Variants in POLD3 observed in about 807,000 individuals in gnomAD.
POLD3 encodes the protein DNA polymerase delta 3, accessory subunit, also known as DNA polymerase delta subunit 3.
A neutral mutation model predicts 58.2 loss-of-function variants in POLD3; 19 were observed. The observed-to-expected ratio is 0.33, with a 90% confidence interval of 0.23 to 0.48. POLD3 has a LOEUF of 0.48. Ranked by LOEUF, POLD3 falls within the 20% of genes least tolerant of loss-of-function variation. POLD3 has a pLI of 0.99. For synonymous variants in POLD3, 172 were observed against 193.5 expected (o/e 0.89, Z 0.92); for missense variants, 504 against 545.5 (o/e 0.92, Z 0.76).
intron 9 of POLD3, among the ~76,000 whole-genome samples, chr11:74,632,877 TACACACACACACAC>T (rs71036003): frequency 0.015 from 1,774 of 115,740 alleles, 31 homozygotes; most frequent in South Asian, 0.033. Context: ...TTTAAGTAAA[TACACACACACACAC>T]ACACACACAC....
At chr11:74,597,322 T>C (rs2031308957) in intron 2 of POLD3, among the ~76,000 whole-genome samples, 1 of 152,266 alleles carries the variant, frequency 6.6e-6, no homozygotes, top group Non-Finnish European at 1.5e-5. Flanking sequence ...CCCAGGGTTA[T>C]GAAGATTTAC....
chr11:74,592,856 C>T, intron 1 of POLD3, 138 bp downstream of exon 1: 2 of 1,492,134 alleles, frequency 1.3e-6, no homozygotes, highest in Non-Finnish European at 1.8e-6. Flanking sequence ...GGGACCTGGG[C>T]GAGCTCTGTG....
chr11:74,661,928 C>A (rs1591330857), intron 4 of POLD3, among the ~76,000 whole-genome samples: 1 of 152,232 alleles, frequency 6.6e-6, no homozygotes, highest in South Asian at 2.1e-4. Flanking sequence ...CTTCCCTTCC[C>A]TTTCCACAGG....
Position 74,604,621 on chromosome 11 carries a change from CATTA to C in POLD3, c.117-65_117-62del, listed in dbSNP as rs763802151. ...ACCAGATTTCATTTATCTTTTAAGT[CATTA>C]ATTAAGAGTTGATCATGTAAAAACT... On this transcript the variant is annotated intron_variant, in intron 2 of 11. Coordinates refer to ENST00000263681, the MANE Select transcript of POLD3 (RefSeq NM_006591.3). The C allele has an allele frequency of 1.5e-3, 1,197 of 815,548 alleles. 4 individuals are homozygous for C. Among genetic ancestry groups the C allele is most frequent in the Non-Finnish European group, 1.8e-3 (880 of 482,366 alleles). The allele number at this position is 815,548 out of a possible 1,614,324, so 50.5% of individuals were successfully genotyped here.
downstream of POLD3, among the ~76,000 whole-genome samples, chr11:74,643,509 A>G (rs1381069707): frequency 6.6e-6 from 1 of 152,194 alleles, no homozygotes; most frequent in East Asian, 1.9e-4. Context: ...AGGGTCCTCC[A>G]AGAGTTCCCA....
intron 4 of POLD3, among the ~76,000 whole-genome samples, chr11:74,667,234 C>T (rs1378945365): frequency 6.6e-6 from 1 of 152,220 alleles, no homozygotes; most frequent in East Asian, 1.9e-4. Context: ...CACTACTGAA[C>T]TGTATACTTA....
In POLD3 at chr11:74,612,977, A is replaced by G. The variant is rs752425330; in HGVS notation, c.359A>G (p.Asp120Gly). ...DSGPLFNTDYDILKSNLQNCS... is the reference protein window; with the variant it reads ...DSGPLFNTDYGILKSNLQNCS... ...GGGCCTCTGTTCAATACTGACTATG[A>G]CATCCTTAAAAGCAACTTGCAGAAC... Residue 120 changes from aspartate (D) to glycine (G), a missense_variant, in exon 5 of 12, where the codon GAC becomes GGC. By Grantham distance (94) the Asp-to-Gly change is moderately conservative. Transcript: ENST00000263681. 1.9e-6 allele frequency: 3 copies of G among 1,613,460 alleles called. No individual in the cohort carries two copies. Among genetic ancestry groups the G allele is most frequent in the Non-Finnish European group, 2.5e-6 (3 of 1,179,688 alleles).
At chr11:74,636,713 A>G (rs1249743966) in intron 11 of POLD3, among the ~76,000 whole-genome samples, 1 of 152,210 alleles carries the variant, frequency 6.6e-6, no homozygotes, top group East Asian at 1.9e-4. Flanking sequence ...ACAGTGGAAA[A>G]GAAGCTACAG....
downstream of POLD3, among the ~76,000 whole-genome samples, chr11:74,647,412 G>A (rs1042477009): frequency 1.6e-4 from 6 of 38,546 alleles, no homozygotes; most frequent in African/African-American, 2.3e-3. Flanking sequence ...TAACCTGCAA[G>A]GTCTCTCCCA....
downstream of POLD3, among the ~76,000 whole-genome samples, chr11:74,643,267 A>G (rs917330971): frequency 2.0e-5 from 3 of 152,228 alleles, no homozygotes; most frequent in South Asian, 6.2e-4. Context: ...AGGGGAAGAT[A>G]GTTGTCCTAT....
chr11:74,633,584 C>T (rs1267447889), intron 9 of POLD3, among the ~76,000 whole-genome samples: 3 of 152,132 alleles, frequency 2.0e-5, no homozygotes, highest in Admixed American at 6.5e-5. Flanking sequence ...GAGGCTAAGT[C>T]GCTACCCGGT....
At chr11:74,619,990 A>G (rs757482407) in intron 6 of POLD3, 27 bp from the exon 7 acceptor site, 4 of 1,599,728 alleles carry the variant, frequency 2.5e-6, no homozygotes, top group Non-Finnish European at 3.4e-6. Flanking sequence ...GCCAGCAAAA[A>G]ATCATATGTG....
intron 4 of POLD3, among the ~76,000 whole-genome samples, chr11:74,666,217 A>G (rs892174584): frequency 6.6e-6 from 1 of 152,234 alleles, no homozygotes; most frequent in African/African-American, 2.4e-5. Context: ...ATAAATTCTG[A>G]AATCTACAAA....
At chr11:74,655,525 T>G (rs746644948) in intron 4 of POLD3, among the ~76,000 whole-genome samples, 9 of 152,308 alleles carry the variant, frequency 5.9e-5, no homozygotes, top group African/African-American at 2.2e-4. Context: ...CTTGAAAAAC[T>G]TTATCAATCA....
rs2032920337 is a variant in POLD3, at chr11:74,641,780, G to A, written c.*1014G>A. The A allele has an allele frequency of 2.0e-6, 2 of 984,236 alleles. No homozygotes were observed. The highest frequency in any genetic ancestry group is 6.1e-5 in the Admixed American group (1 of 16,268). 61.0% of individuals were successfully genotyped at this position (984,236 alleles called of 1,614,324 possible). A position where few individuals can be genotyped will look rare whatever the true frequency, so the allele number is the denominator to read the frequency against. ...TAAGGCACACATTTATTTATAAATGGATGTTGCTCCTTTGTATTTTTAGCT... is the reference window on the plus strand; with the variant it reads ...TAAGGCACACATTTATTTATAAATGAATGTTGCTCCTTTGTATTTTTAGCT... On this transcript the variant is annotated 3_prime_UTR_variant, in exon 12 of 12. Transcript: ENST00000263681.
At chr11:74,664,373 C>G (rs2033240873) in intron 4 of POLD3, among the ~76,000 whole-genome samples, 1 of 152,196 alleles carries the variant, frequency 6.6e-6, no homozygotes, top group South Asian at 2.1e-4. Context: ...ACCCAAATAT[C>G]TATCAACAGG....
chr11:74,638,823 T>C, intron 11 of POLD3: 1 of 383,254 alleles, frequency 2.6e-6, no homozygotes, highest in Non-Finnish European at 5.2e-6. Flanking sequence ...CCTAATAAGC[T>C]CATGGGAGAT....
intron 6 of POLD3, among the ~76,000 whole-genome samples, chr11:74,619,410 A>G (rs879352415): frequency 1.3e-5 from 2 of 152,160 alleles, no homozygotes; most frequent in African/African-American, 2.4e-5. Flanking sequence ...AGTGTATTTA[A>G]TTCAGATCAC....
At chr11:74,646,059 G>A (rs570119793), downstream of POLD3, among the ~76,000 whole-genome samples, 2 of 151,752 alleles carry the variant, frequency 1.3e-5, no homozygotes, top group African/African-American at 2.4e-5. Context: ...TGCAACCTCC[G>A]CTTCCCAGGT....
Sources: allele counts gnomAD v4.1 joint callset (sites outside exome capture counted in the v4.1 genomes callset), GRCh38; gene constraint gnomAD v4.1.1; transcripts MANE v1.5; gene names NCBI Gene and HGNC (gene_info 2026-07-23, HGNC 2026-07-21).